Variants in SPAG16 observed in about 807,000 individuals in gnomAD.
SPAG16 encodes sperm-associated antigen 16 protein.
In SPAG16, 86 loss-of-function variants were observed where a neutral mutation model predicts 80.4. The ratio of observed to expected loss-of-function variants is 1.07; its 90% CI spans 0.90 to 1.28. The LOEUF (loss-of-function observed/expected upper bound fraction) is 1.28. Ranked by LOEUF, SPAG16 falls within the 50% of genes most tolerant of loss-of-function variation. SPAG16 has a pLI of 0.00. For missense variants in SPAG16, 870 were observed against 765.3 expected, an observed-to-expected ratio of 1.14 and a Z score of -1.61; for synonymous variants, 294 against 265.9, an observed-to-expected ratio of 1.11 and a Z score of -1.03.
intron 10 of SPAG16, among the ~76,000 whole-genome samples, chr2:213,764,419 A>G (rs2068823966): frequency 6.6e-6 from 1 of 152,104 alleles, no homozygotes; most frequent in African/African-American, 2.4e-5. Flanking sequence ...TTGCTGGATG[A>G]GAATAAACTA....
intron 9 of SPAG16, among the ~76,000 whole-genome samples, chr2:213,413,854 T>C (rs2069116072): frequency 6.6e-6 from 1 of 152,218 alleles, no homozygotes; most frequent in Non-Finnish European, 1.5e-5. Context: ...CTAATAGTGT[T>C]TGGTACATGC....
intron 13 of SPAG16, among the ~76,000 whole-genome samples, chr2:214,024,961 A>G (rs2048057734): frequency 6.6e-6 from 1 of 151,576 alleles, no homozygotes; most frequent in African/African-American, 2.4e-5. Context: ...GAAGTCAGAT[A>G]GATTAGAGTC....
intron 4 of SPAG16, among the ~76,000 whole-genome samples, chr2:213,315,209 G>GT (rs1199424195): frequency 6.6e-6 from 1 of 151,730 alleles, no homozygotes; most frequent in African/African-American, 2.4e-5. Context: ...GATTAAAATT[G>GT]TAATTATTTA....
At position 214,045,091 on chromosome 2, in the gene SPAG16, C is replaced by T. The variant is rs547924202; in HGVS notation, c.1527+31014C>T. The stretch of plus-strand genomic sequence containing the variant: ...AAGCGAGTGCTTATGCAGCCCCTCC[C>T]CCAGCCCCAGGCTGCACAGCTTGTG... On this transcript the variant is annotated intron_variant, in intron 13 of 15. Transcript: ENST00000331683. Among the ~76,000 whole-genome samples, 8 of 152,296 alleles carry T rather than the reference C, an allele frequency of 5.3e-5. No individual in the cohort carries two copies. The East Asian group carries it at 1.5e-3, about 29-fold the overall frequency.
At chr2:214,218,333 G>A (rs758219276) in intron 15 of SPAG16, among the ~76,000 whole-genome samples, 23 of 152,158 alleles carry the variant, frequency 1.5e-4, no homozygotes, top group Non-Finnish European at 2.4e-4. Flanking sequence ...GAGAATTGCT[G>A]TTCTGGAAAA....
chr2:213,707,104 TGA>T (rs1418031193), intron 10 of SPAG16, among the ~76,000 whole-genome samples: 1 of 152,140 alleles, frequency 6.6e-6, no homozygotes, highest in African/African-American at 2.4e-5. Flanking sequence ...CTGTGGGAGG[TGA>T]CTATACAAGG....
At chr2:214,019,619 T>C (rs962272590) in intron 13 of SPAG16, among the ~76,000 whole-genome samples, 2 of 152,202 alleles carry the variant, frequency 1.3e-5, no homozygotes, top group South Asian at 4.1e-4. Context: ...TCCTGTTTGG[T>C]GCCAGACCCA....
chr2:213,364,184 T>C, intron 8 of SPAG16, 39 bp downstream of exon 8: 1 of 1,268,938 alleles, frequency 7.9e-7, no homozygotes, highest in African/African-American at 1.5e-5. Context: ...TTTAATATAG[T>C]TTGGTGATTT....
intron 10 of SPAG16, among the ~76,000 whole-genome samples, chr2:213,661,664 G>C (rs188872290): frequency 6.6e-6 from 1 of 152,156 alleles, no homozygotes. Context: ...CTACTTTAAT[G>C]TAAAAATTTC....
At chr2:214,046,105 A>T (rs2049307987) in intron 13 of SPAG16, among the ~76,000 whole-genome samples, 2 of 152,158 alleles carry the variant, frequency 1.3e-5, no homozygotes, top group Non-Finnish European at 2.9e-5. Context: ...CCTAGAAAAA[A>T]ATGGATAAAT....
intron 10 of SPAG16, among the ~76,000 whole-genome samples, chr2:213,704,805 C>T (rs2065664384): frequency 6.6e-6 from 1 of 152,054 alleles, no homozygotes; most frequent in Non-Finnish European, 1.5e-5. Flanking sequence ...AATGGACTGA[C>T]ATTTAGATTC....
intron 15 of SPAG16, among the ~76,000 whole-genome samples, chr2:214,192,633 T>TTA (rs1412097149): frequency 2.8e-5 from 1 of 35,756 alleles, no homozygotes; most frequent in Non-Finnish European, 5.6e-5. Context: ...GTATATTCCT[T>TTA]TATTTTTTTT....
intron 15 of SPAG16, among the ~76,000 whole-genome samples, chr2:214,320,360 T>C (rs890611018): frequency 2.0e-5 from 3 of 152,238 alleles, no homozygotes; most frequent in Admixed American, 6.5e-5. Flanking sequence ...CTTGCTCCCA[T>C]GATACTCTAG....
chr2:213,969,636 C>T (rs150205759), intron 12 of SPAG16, among the ~76,000 whole-genome samples: 1 of 152,316 alleles, frequency 6.6e-6, no homozygotes, highest in Non-Finnish European at 1.5e-5. Context: ...ACTGAATTTA[C>T]TGGCACCTTG....
intron 15 of SPAG16, among the ~76,000 whole-genome samples, chr2:214,252,617 A>G (rs1333755297): frequency 6.6e-6 from 1 of 152,150 alleles, no homozygotes; most frequent in East Asian, 1.9e-4. Context: ...CCTGCAAAGA[A>G]CATGAACTCA....
chr2:213,382,296 C>T (rs569353078), intron 9 of SPAG16, among the ~76,000 whole-genome samples: 1 of 152,290 alleles, frequency 6.6e-6, no homozygotes, highest in East Asian at 1.9e-4. Context: ...TTATGATGAG[C>T]AATTCAGTTT....
chr2:214,279,338 G>A (rs1017654086), intron 15 of SPAG16, among the ~76,000 whole-genome samples: 6 of 152,078 alleles, frequency 3.9e-5, no homozygotes, highest in East Asian at 1.9e-4. Context: ...CTTGTGATCC[G>A]CCCTCCTCAA....
At chr2:214,012,657 T>C (rs1373646971) in intron 12 of SPAG16, among the ~76,000 whole-genome samples, 1 of 152,092 alleles carries the variant, frequency 6.6e-6, no homozygotes, top group Non-Finnish European at 1.5e-5. Context: ...GAGTACTTAC[T>C]AGTTATCCTG....
At chr2:213,633,234 A>G (rs1352327377) in intron 10 of SPAG16, among the ~76,000 whole-genome samples, 1 of 152,170 alleles carries the variant, frequency 6.6e-6, no homozygotes, top group Non-Finnish European at 1.5e-5. Context: ...CATTTCTTCC[A>G]GATTTTCCAA....
Sources: allele counts gnomAD v4.1 joint callset (sites outside exome capture counted in the v4.1 genomes callset), GRCh38; gene constraint gnomAD v4.1.1; transcripts MANE v1.5; gene names NCBI Gene and HGNC (gene_info 2026-07-23, HGNC 2026-07-21).